ZNF331: variants seen among roughly 807,000 people sequenced by gnomAD.
ZNF331 encodes C2H2-like zinc finger protein rearranged in thyroid adenomas.
In ZNF331, 2 loss-of-function variants were observed where a neutral mutation model predicts 7.0. The ratio of observed to expected loss-of-function variants is 0.29; its 90% confidence interval spans 0.12 to 0.90. The LOEUF is 0.90. ZNF331 is among the 40% of genes least tolerant of loss of function. The probability of loss-of-function intolerance (pLI) is 0.58; values close to 1 mark genes in which losing one functional copy is unlikely to be tolerated. For synonymous variants in ZNF331, 196 were observed against 205.4 expected, an observed-to-expected ratio of 0.95 and a Z score of 0.39; for missense variants, 432 against 587.7, an observed-to-expected ratio of 0.74 and a Z score of 2.74.
intron 2 of ZNF331, among the ~76,000 whole-genome samples, chr19:53,530,155 A>G (rs561908180): frequency 5.7e-4 from 87 of 152,284 alleles, no homozygotes; most frequent in African/African-American, 1.9e-3. Context: ...AGGTTGGGAC[A>G]CAGCGCTGGC....
chr19:53,569,751 A>G (rs965681440), intron 4 of ZNF331, among the ~76,000 whole-genome samples: 8 of 152,182 alleles, frequency 5.3e-5, no homozygotes, highest in Admixed American at 4.6e-4. Flanking sequence ...TTCTGCGTAG[A>G]TAAGAGGGAA....
At chr19:53,504,462 C>A in the ZNF331 span, among the ~76,000 whole-genome samples, 90,888 of 142,648 alleles carry the variant, frequency 0.64, 25,792 homozygotes, top group Admixed American at 0.69. Flanking sequence ...CCCCCCTCCA[C>A]CCACACCGCC....
chr19:53,554,293 G>A (rs1450302528), intron 2 of ZNF331, among the ~76,000 whole-genome samples: 1 of 152,238 alleles, frequency 6.6e-6, no homozygotes. Flanking sequence ...ACGCGCACAT[G>A]TGTGTCGGGG....
chr19:53,506,415 T>A, the ZNF331 span, among the ~76,000 whole-genome samples: 7 of 42,224 alleles, frequency 1.7e-4, no homozygotes, highest in African/African-American at 7.9e-4. Context: ...CTCTCTCCTC[T>A]CTCTCTCTCT....
chr19:53,525,721 A>G (rs1228195631), intron 2 of ZNF331, among the ~76,000 whole-genome samples: 1 of 152,198 alleles, frequency 6.6e-6, no homozygotes, highest in African/African-American at 2.4e-5. Flanking sequence ...TATATGTATA[A>G]GATCATGTCA....
chr19:53,532,090 C>T (rs1034872226), intron 2 of ZNF331, among the ~76,000 whole-genome samples: 1 of 152,150 alleles, frequency 6.6e-6, no homozygotes. Context: ...ACATACCCTT[C>T]ACCTTACTAG....
rs1057060484 is a variant in ZNF331, at chr19:53,580,266, C to G, written c.*2314C>G. On this transcript the variant is annotated 3_prime_UTR_variant, in exon 6 of 6. Transcript: ENST00000449416. The stretch of plus-strand genomic sequence containing the variant: ...AAATATTAATAAAATCAAAGATGAG[C>G]AGGTCTCTTTGTTGGATATTCAAAC... 1 of 179,758 alleles carries G rather than the reference C, an allele frequency of 5.6e-6. No individual in the cohort carries two copies. The highest frequency in any genetic ancestry group is 2.4e-5 in the African/African-American group (1 of 42,316). 11.1% of individuals were successfully genotyped at this position (179,758 alleles called of 1,614,324 possible). A position where few individuals can be genotyped will look rare whatever the true frequency, so the allele number is the denominator to read the frequency against.
At position 53,577,942 on chromosome 19, in the gene ZNF331, A is replaced by G. The variant is rs780992160; in HGVS notation, c.1382A>G (p.His461Arg). The change falls in exon 6 of 6, where the codon CAC becomes CGC. Residue 461 changes from histidine (H) to arginine (R), a missense_variant. Coordinates refer to ENST00000449416, the MANE Select transcript of ZNF331 (RefSeq NM_001079906.2). ...LNHLREHQRI[H>R]NS ...CATCTCCGAGAACATCAGAGGATCCACAACAGTTGAAGAGCCTTTTGAACG... is the reference window on the plus strand; with the variant it reads ...CATCTCCGAGAACATCAGAGGATCCGCAACAGTTGAAGAGCCTTTTGAACG... The G allele has an allele frequency of 1.9e-5, 30 of 1,610,606 alleles. No individual in the cohort carries two copies. Among genetic ancestry groups the G allele is most frequent in the Non-Finnish European group, 1.0e-5 (12 of 1,177,614 alleles).
At chr19:53,520,756 A>G (rs61607586), upstream of ZNF331, among the ~76,000 whole-genome samples, 2,547 of 142,746 alleles carry the variant, frequency 0.018, 73 homozygotes, top group African/African-American at 0.064. Context: ...GCCCTTCCAG[A>G]TACGTCGATT....
At position 53,544,031 on chromosome 19, in the gene ZNF331, G is replaced by A. The variant is rs113025931; in HGVS notation, c.-138+4749G>A. 1.4e-3 allele frequency among the ~76,000 whole-genome samples: 211 copies of A among 148,916 alleles called. 2 individuals are homozygous for A. The highest frequency in any genetic ancestry group is 1.8e-3 in the Non-Finnish European group (120 of 67,246). ...ATCACAAGGTCAGGAGATCGAGACC[G>A]TCCTGGCCACCATGGTGAAATCCCA... On this transcript the variant is annotated intron_variant, in intron 2 of 5. Transcript: ENST00000449416.
chr19:53,566,279 G>C (rs779938949), intron 3 of ZNF331, among the ~76,000 whole-genome samples: 2 of 152,088 alleles, frequency 1.3e-5, no homozygotes, highest in South Asian at 2.1e-4. Context: ...GAGTCTGCTG[G>C]TGCAAGGTTT....
chr19:53,562,016 C>T (rs1479070659), intron 3 of ZNF331, among the ~76,000 whole-genome samples: 7 of 152,120 alleles, frequency 4.6e-5, no homozygotes, highest in East Asian at 3.9e-4. Context: ...GGCGTGGTGG[C>T]GCGCGCCTGT....
chr19:53,522,567 C>T (rs2087128547), intron 1 of ZNF331: 1 of 152,170 alleles, frequency 6.6e-6, no homozygotes. Flanking sequence ...GCTTGTGATC[C>T]AGAAAGGTCC....
chr19:53,528,544 G>A (rs1047876795), intron 2 of ZNF331, among the ~76,000 whole-genome samples: 6 of 152,162 alleles, frequency 3.9e-5, no homozygotes, highest in Non-Finnish European at 5.9e-5. Context: ...AAGACACTGC[G>A]AGGTTAGTAA....
At chr19:53,564,382 C>T (rs1343176456) in intron 3 of ZNF331, among the ~76,000 whole-genome samples, 2 of 152,012 alleles carry the variant, frequency 1.3e-5, no homozygotes, top group African/African-American at 4.8e-5. Context: ...CGGGTCCCAG[C>T]GATTCTCCCG....
chr19:53,574,897 C>A (rs1039001872), intron 5 of ZNF331, among the ~76,000 whole-genome samples: 10 of 147,216 alleles, frequency 6.8e-5, no homozygotes, highest in African/African-American at 2.5e-4. Flanking sequence ...AAACTTTGTT[C>A]TTTTTCTTTG....
chr19:53,514,510 A>G, the ZNF331 span, among the ~76,000 whole-genome samples: 1 of 152,088 alleles, frequency 6.6e-6, no homozygotes, highest in East Asian at 1.9e-4. Context: ...CCTAACTAAT[A>G]TATTTTAAAT....
chr19:53,577,909 A>G lies in ZNF331; in HGVS notation c.1349A>G (p.His450Arg), dbSNP rs2147727856. 2 of 1,613,626 alleles carry G rather than the reference A, an allele frequency of 1.2e-6. No individual in the cohort carries two copies. The highest frequency in any genetic ancestry group is 8.5e-7 in the Non-Finnish European group (1 of 1,179,910). ...ECKECGKACN[H>R]LNHLREHQRI... ...AAGGAGTGCGGGAAGGCATGTAACC[A>G]CCTAAACCATCTCCGAGAACATCAG... Residue 450 changes from histidine to arginine, a missense_variant, in exon 6 of 6, where the codon CAC becomes CGC. His to Arg is a conservative substitution (Grantham distance 29). Transcript: ENST00000449416.
At chr19:53,544,989 G>A (rs980069021) in intron 2 of ZNF331, among the ~76,000 whole-genome samples, 6 of 152,126 alleles carry the variant, frequency 3.9e-5, no homozygotes, top group Non-Finnish European at 7.3e-5. Flanking sequence ...CTCCAAAAGT[G>A]CTGGGATTAC....
Sources: gnomAD v4.1 joint callset for allele counts (sites outside exome capture counted in the v4.1 genomes callset) on GRCh38, gnomAD v4.1.1 for gene constraint, MANE v1.5 for transcripts, NCBI Gene and HGNC (gene_info 2026-07-23, HGNC 2026-07-21) for gene names.